TLE3: variants seen among roughly 807,000 people sequenced by gnomAD.
TLE3 encodes the protein transducin-like enhancer protein 3.
TLE3 carries 14 observed loss-of-function variants against 93.0 expected under a neutral mutation model. That is an observed-to-expected ratio of 0.15 (90% CI 0.10 to 0.24). The LOEUF (loss-of-function observed/expected upper bound fraction) is 0.24. Ranked by LOEUF, TLE3 falls within the 10% of genes least tolerant of loss-of-function variation. The pLI is 1.00. For missense variants in TLE3, 693 were observed against 1,046.6 expected, an observed-to-expected ratio of 0.66 and a Z score of 4.66; for synonymous variants, 451 against 425.0, an observed-to-expected ratio of 1.06 and a Z score of -0.75.
chr15:70,052,972 G>A, intron 17 of TLE3: 2 of 469,718 alleles, frequency 4.3e-6, no homozygotes, highest in Non-Finnish European at 7.6e-6. Context: ...AGGACGCCGA[G>A]GACAAAGTGC....
intron 4 of TLE3, chr15:70,079,340 C>A (rs544121015): frequency 6.0e-6 from 3 of 496,370 alleles, no homozygotes; most frequent in South Asian, 2.9e-5. Context: ...GACTTTGGCA[C>A]GTCACCAGAC....
chr15:70,056,354 G>A lies in TLE3; in HGVS notation c.1272C>T (p.Pro424=), dbSNP rs201580470. The A allele has an allele frequency of 3.7e-6, 6 of 1,613,544 alleles. No homozygotes were observed. Among genetic ancestry groups the A allele is most frequent in the Non-Finnish European group, 5.1e-6 (6 of 1,179,836 alleles). Residue 424 remains proline (P), a synonymous_variant, in exon 14 of 20, where the codon CCC becomes CCT. Transcript: ENST00000451782. ...SFGAVGFDPH[P]PMRATGLPSS... is the part of the protein sequence containing the mutation. The stretch of plus-strand genomic sequence containing the variant: ...AGGGGAGGCCTGTGGCCCGCATCGG[G>A]GGGTGAGGGTCAAAACCAACCTGTA...
intron 1 of TLE3, 27 bp downstream of exon 1, chr15:70,096,748 T>C: frequency 6.2e-7 from 1 of 1,612,610 alleles, no homozygotes; most frequent in Non-Finnish European, 8.5e-7. Flanking sequence ...GATAGATGCT[T>C]AAATAAACCG....
chr15:70,093,475 AT>A (rs2058397602), intron 4 of TLE3, among the ~76,000 whole-genome samples: 1 of 152,240 alleles, frequency 6.6e-6, no homozygotes, highest in Non-Finnish European at 1.5e-5. Context: ...AGAGCAGAAA[AT>A]CCATTCAAGT....
intron 4 of TLE3, among the ~76,000 whole-genome samples, chr15:70,086,304 C>T (rs551843216): frequency 2.5e-4 from 38 of 152,302 alleles, no homozygotes; most frequent in African/African-American, 8.2e-4. Flanking sequence ...AAAGCATCAC[C>T]GGTTCCAAAG....
intron 4 of TLE3, among the ~76,000 whole-genome samples, chr15:70,090,380 T>G (rs1045528767): frequency 2.0e-5 from 3 of 152,126 alleles, no homozygotes; most frequent in Non-Finnish European, 4.4e-5. Flanking sequence ...GCCACACAAA[T>G]AGGCACTTCC....
In TLE3 at chr15:70,052,404, A is replaced by G; in HGVS notation, c.2095T>C (p.Cys699Arg). ...TAGGCGAACTTGAGGGAGAGCACGC[A>G]GCTCTCGTGCAGGTGCAGCTGGTAC... ...DKYQLHLHES[C>R]VLSLKFAYCG... Residue 699 changes from cysteine (C) to arginine (R), a missense_variant, in exon 18 of 20, where the codon TGC (cysteine) becomes CGC (arginine). Cys to Arg is a radical substitution (Grantham distance 180). Transcript: ENST00000451782. 1 of 1,613,914 alleles carries G rather than the reference A, an allele frequency of 6.2e-7. No homozygotes were observed. The highest frequency in any genetic ancestry group is 8.5e-7 in the Non-Finnish European group (1 of 1,179,896).
chr15:70,056,914 A>C (rs1479661216), intron 13 of TLE3, among the ~76,000 whole-genome samples: 1 of 151,834 alleles, frequency 6.6e-6, no homozygotes, highest in Admixed American at 6.6e-5. Context: ...ACGCCCGGCT[A>C]ATTTTTGTAT....
At chr15:70,095,681 GAC>G in intron 2 of TLE3, 40 bp from the exon 3 acceptor site, 1 of 1,549,436 alleles carries the variant, frequency 6.5e-7, no homozygotes. Flanking sequence ...GTGGCGCCTG[GAC>G]AGCCTCCTCT....
Position 70,096,270 on chromosome 15 carries a change from C to A in TLE3, c.25-9G>T. 1 of 1,551,592 alleles carries A rather than the reference C, an allele frequency of 6.4e-7. No individual in the cohort carries two copies. Among genetic ancestry groups the A allele is most frequent in the Middle Eastern group, 1.7e-4 (1 of 5,968 alleles). ...CCGGGTTGATGGGGAGCCTGGAGCC[C>A]GCGAAGACAAGACAGGGGAGGGGGC... is the stretch of plus-strand genomic sequence containing the variant. On this transcript the variant is annotated splice_polypyrimidine_tract_variant and intron_variant, in intron 1 of 19. Coordinates refer to ENST00000451782, the MANE Select transcript of TLE3 (RefSeq NM_001105192.3).
chr15:70,074,394 G>C (rs1474560089), intron 6 of TLE3, 139 bp downstream of exon 6: 2 of 1,062,000 alleles, frequency 1.9e-6, no homozygotes, highest in African/African-American at 1.6e-5. Context: ...CAAGCCCTTG[G>C]GGTGCTTGTA....
chr15:70,080,207 G>A (rs1020780585), intron 4 of TLE3, among the ~76,000 whole-genome samples: 1 of 152,174 alleles, frequency 6.6e-6, no homozygotes, highest in Non-Finnish European at 1.5e-5. Flanking sequence ...GTTTCCAGAG[G>A]CCGACCTCCA....
At chr15:70,057,945 A>G in intron 12 of TLE3, 1 of 832,788 alleles carries the variant, frequency 1.2e-6, no homozygotes, top group Non-Finnish European at 1.8e-6. Context: ...GGGAGCCCTG[A>G]CCCGTCTGAT....
At chr15:70,094,341 T>C (rs750800236) in intron 4 of TLE3, among the ~76,000 whole-genome samples, 191 bp downstream of exon 4, 4 of 150,292 alleles carry the variant, frequency 2.7e-5, no homozygotes, top group Non-Finnish European at 4.4e-5. Flanking sequence ...TGCTAAAAGC[T>C]CAACATGTCT....
chr15:70,055,587 C>G, intron 14 of TLE3: 1 of 346,072 alleles, frequency 2.9e-6, no homozygotes, highest in South Asian at 1.0e-4. Flanking sequence ...TCCATACATT[C>G]CCCCAACATG....
chr15:70,054,284 G>T, intron 16 of TLE3, 154 bp downstream of exon 16: 2 of 1,088,570 alleles, frequency 1.8e-6, no homozygotes, highest in Non-Finnish European at 2.6e-6. Context: ...TAAGGCAGGC[G>T]GAGCTGTCTT....
At chr15:70,086,938 A>G (rs574973353) in intron 4 of TLE3, among the ~76,000 whole-genome samples, 18 of 152,224 alleles carry the variant, frequency 1.2e-4, no homozygotes, top group Non-Finnish European at 2.2e-4. Context: ...CCTAAGATAC[A>G]TTAAAGACAC....
chr15:70,069,379 G>A (rs1359588945), intron 6 of TLE3, among the ~76,000 whole-genome samples: 1 of 152,178 alleles, frequency 6.6e-6, no homozygotes, highest in Non-Finnish European at 1.5e-5. Context: ...GTGAACCGAC[G>A]TCAGAAACTT....
At chr15:70,072,887 T>C (rs1393877041) in intron 6 of TLE3, among the ~76,000 whole-genome samples, 1 of 152,222 alleles carries the variant, frequency 6.6e-6, no homozygotes, top group East Asian at 1.9e-4. Flanking sequence ...CTGATGATAC[T>C]TTAAACATTA....
Sources: gnomAD v4.1 joint callset for allele counts (sites outside exome capture counted in the v4.1 genomes callset) on GRCh38, gnomAD v4.1.1 for gene constraint, MANE v1.5 for transcripts, NCBI Gene and HGNC (gene_info 2026-07-23, HGNC 2026-07-21) for gene names.